The following KLF3 variants were observed in gnomAD, a reference collection of about 807,000 sequenced individuals.
The protein encoded by KLF3 is KLF transcription factor 3, also known as Krueppel-like factor 3.
KLF3 carries 6 observed loss-of-function variants against 32.7 expected under a neutral mutation model. The ratio of observed to expected loss-of-function variants is 0.18; its 90% confidence interval spans 0.10 to 0.36. The LOEUF (loss-of-function observed/expected upper bound fraction) is 0.36. Among genes scored for constraint, KLF3 ranks in the 10% least tolerant of loss-of-function variants. KLF3 has a pLI of 1.00. For missense variants in KLF3, 338 were observed against 449.7 expected, an observed-to-expected ratio of 0.75 and a Z score of 2.25; for synonymous variants, 145 against 172.8, an observed-to-expected ratio of 0.84 and a Z score of 1.26.
chr4:38,666,865 G>A (rs769906759), intron 1 of KLF3, among the ~76,000 whole-genome samples: 3 of 152,182 alleles, frequency 2.0e-5, no homozygotes, highest in Non-Finnish European at 4.4e-5. Context: ...CCTAACAGCA[G>A]TGCTCTATCT....
intron 1 of KLF3, among the ~76,000 whole-genome samples, chr4:38,667,320 G>T (rs1722073750): frequency 6.6e-6 from 1 of 152,152 alleles, no homozygotes; most frequent in Non-Finnish European, 1.5e-5. Context: ...GCATATGTGT[G>T]CTCTTTCCTG....
At chr4:38,678,366 G>A (rs577394730) in intron 1 of KLF3, among the ~76,000 whole-genome samples, 19 of 152,278 alleles carry the variant, frequency 1.2e-4, no homozygotes, top group East Asian at 3.9e-4. Context: ...ACACAAAAGC[G>A]TTTTCATCCC....
rs144262675 is a variant in KLF3, at chr4:38,688,688, C to T, written c.161C>T (p.Ser54Leu). The T allele has an allele frequency of 6.2e-6, 10 of 1,614,174 alleles. No homozygotes were observed. The highest frequency in any genetic ancestry group is 3.3e-5 in the South Asian group (3 of 91,082). ...EKFFQTPEGL[S>L]HGIQMEPVDL... ...TTCTTTCAGACCCCAGAAGGTCTGT[C>T]GCACGGAATACAGATGGAGCCAGTG... The change falls in exon 3 of 6, where the codon TCG becomes TTG. Residue 54 changes from serine (S) to leucine (L), a missense_variant. This residue lies in a region of KLF3 where 272 missense variants were observed against 313.4 expected (regional missense o/e 0.87). Transcript: ENST00000261438. The surrounding 1 kb of genome is among the most constrained non-coding windows in gnomAD (Gnocchi z 4.9).
intron 1 of KLF3, among the ~76,000 whole-genome samples, chr4:38,676,244 C>T (rs1722345820): frequency 6.6e-6 from 1 of 152,192 alleles, no homozygotes; most frequent in African/African-American, 2.4e-5. Context: ...AGTTCGAGAC[C>T]AGCCTAGCCA....
intron 4 of KLF3, among the ~76,000 whole-genome samples, chr4:38,691,175 GTGA>G (rs1269540214): frequency 6.6e-6 from 1 of 152,192 alleles, no homozygotes; most frequent in African/African-American, 2.4e-5. Context: ...AAAAGGCAAA[GTGA>G]TTACCTGAGA....
At chr4:38,670,666 T>G (rs1304294105) in intron 1 of KLF3, among the ~76,000 whole-genome samples, 1 of 152,210 alleles carries the variant, frequency 6.6e-6, no homozygotes, top group Non-Finnish European at 1.5e-5. Flanking sequence ...CAGGGAGTTT[T>G]TCTCTCCCAG....
In KLF3 at chr4:38,671,057, C is replaced by T. The variant is rs1254332926; in HGVS notation, c.-40+6596C>T. Among the ~76,000 whole-genome samples the T allele has an allele frequency of 1.3e-5, 2 of 152,232 alleles. No individual in the cohort carries two copies. Among genetic ancestry groups the T allele is most frequent in the East Asian group, 3.8e-4 (2 of 5,200 alleles). On this transcript the variant is annotated intron_variant, in intron 1 of 5. Coordinates refer to ENST00000261438, the MANE Select transcript of KLF3 (RefSeq NM_016531.6). This position sits in a 1 kb window ranked among gnomAD's most constrained non-coding sequence, Gnocchi z 4.4. ...GTGGCTGTGCACACCCACACCCTCC[C>T]TACTGGGGAAAGACCCCAGCATTAG...
Position 38,688,708 on chromosome 4 carries a change from C to T in KLF3, c.181C>T (p.Pro61Ser). The change falls in exon 3 of 6, where the codon CCA (proline) becomes TCA (serine). Residue 61 changes from proline to serine, a missense_variant. Around this residue, in one of 2 missense-constraint regions of KLF3, gnomAD observed 272 missense variants for 313.4 expected, o/e 0.87. Coordinates refer to ENST00000261438, the MANE Select transcript of KLF3 (RefSeq NM_016531.6). The surrounding 1 kb of genome is among the most constrained non-coding windows in gnomAD (Gnocchi z 4.9). ...TCTGTCGCACGGAATACAGATGGAG[C>T]CAGTGGACCTCACGGTGAACAAGCG... is the stretch of plus-strand genomic sequence containing the variant. Reference protein sequence around the residue: ...EGLSHGIQMEPVDLTVNKRSS... With the variant: ...EGLSHGIQMESVDLTVNKRSS... 6.2e-7 allele frequency: 1 copy of T among 1,614,174 alleles called. No individual in the cohort carries two copies. The highest frequency in any genetic ancestry group is 8.5e-7 in the Non-Finnish European group (1 of 1,180,040).
chr4:38,675,981 A>G (rs1349828325), intron 1 of KLF3, among the ~76,000 whole-genome samples: 1 of 152,218 alleles, frequency 6.6e-6, no homozygotes, highest in Non-Finnish European at 1.5e-5. Flanking sequence ...ACCAATGACA[A>G]AAGTGGTCCC....
chr4:38,673,183 G>C (rs112452036), intron 1 of KLF3, among the ~76,000 whole-genome samples: 22 of 152,316 alleles, frequency 1.4e-4, no homozygotes, highest in African/African-American at 5.1e-4. Context: ...GTTCCTTCTG[G>C]TTATTTTTAA....
At chr4:38,684,542 T>G (rs1433354323) in intron 2 of KLF3, among the ~76,000 whole-genome samples, 1 of 3,600 alleles carries the variant, frequency 2.8e-4, no homozygotes, top group South Asian at 8.8e-3. Context: ...GTTTTTTGTG[T>G]TTTTTTTTTT....
intron 4 of KLF3, among the ~76,000 whole-genome samples, chr4:38,691,358 A>C (rs1722872757): frequency 6.6e-6 from 1 of 152,236 alleles, no homozygotes; most frequent in South Asian, 2.1e-4. Context: ...GACACATCTT[A>C]GAGGTGGAAT....
intron 5 of KLF3, among the ~76,000 whole-genome samples, chr4:38,696,586 A>G (rs1723051304): frequency 6.6e-6 from 1 of 152,200 alleles, no homozygotes; most frequent in Non-Finnish European, 1.5e-5. Flanking sequence ...CCTAATTGTT[A>G]TTGACTAAAC....
chr4:38,685,225 G>C (rs145999316), intron 2 of KLF3, among the ~76,000 whole-genome samples: 71 of 152,326 alleles, frequency 4.7e-4, no homozygotes, highest in African/African-American at 1.5e-3. Context: ...GATTGCAAAA[G>C]CTTGTGTGTG....
intron 2 of KLF3, chr4:38,681,075 ATC>A (rs1722510617): frequency 6.0e-6 from 1 of 165,660 alleles, no homozygotes; most frequent in Admixed American, 6.0e-5. Flanking sequence ...AAAAAAAAAA[ATC>A]ACTCATTGCT....
At chr4:38,696,985 A>T (rs1723061158) in intron 5 of KLF3, 97 bp from the exon 6 acceptor site, 1 of 1,018,556 alleles carries the variant, frequency 9.8e-7, no homozygotes, top group South Asian at 1.7e-5. Context: ...CAAATGTATG[A>T]ACATATCTTG....
chr4:38,680,786 C>T, intron 2 of KLF3, 104 bp downstream of exon 2: 1 of 934,314 alleles, frequency 1.1e-6, no homozygotes. Flanking sequence ...CGTGGTGGCT[C>T]ACGCCTGTAA....
intron 5 of KLF3, 64 bp downstream of exon 5, chr4:38,694,970 G>A (rs1363098952): frequency 2.0e-6 from 3 of 1,503,934 alleles, no homozygotes; most frequent in Non-Finnish European, 2.7e-6. Context: ...GAATGCAAAG[G>A]TTGTTACGAT....
intron 1 of KLF3, among the ~76,000 whole-genome samples, chr4:38,678,262 T>G (rs976637179): frequency 6.6e-6 from 1 of 152,188 alleles, no homozygotes; most frequent in African/African-American, 2.4e-5. Flanking sequence ...ATCTTTTGTT[T>G]ATGGTCCACT....
Sources: gnomAD v4.1 joint callset for allele counts (sites outside exome capture counted in the v4.1 genomes callset) on GRCh38, gnomAD v4.1.1 for gene constraint, gnomAD v4.1.1 regional missense constraint, Gnocchi (gnomAD v3.1) non-coding constraint, MANE v1.5 for transcripts, NCBI Gene and HGNC (gene_info 2026-07-23, HGNC 2026-07-21) for gene names.